The following PRKCE variants were observed in gnomAD, a reference collection of about 807,000 sequenced individuals.
PRKCE encodes protein kinase C epsilon.
In PRKCE, 16 loss-of-function variants were observed where a neutral mutation model predicts 85.4. That is an observed-to-expected ratio of 0.19 (90% CI 0.13 to 0.28). The LOEUF is 0.28. PRKCE is among the 10% of genes least tolerant of loss of function. The pLI, the probability that PRKCE is intolerant of heterozygous loss-of-function variation, is 1.00. For synonymous variants in PRKCE, 388 were observed against 371.5 expected, an observed-to-expected ratio of 1.04 and a Z score of -0.51; for missense variants, 573 against 975.2, an observed-to-expected ratio of 0.59 and a Z score of 5.49.
chr2:46,070,867 A>G (rs1668029335), intron 10 of PRKCE, among the ~76,000 whole-genome samples: 1 of 152,158 alleles, frequency 6.6e-6, no homozygotes, highest in Admixed American at 6.5e-5. Context: ...TGCTTTCATA[A>G]TTCTTGCATC....
intron 10 of PRKCE, among the ~76,000 whole-genome samples, chr2:46,017,152 A>G (rs1481725010): frequency 1.3e-5 from 2 of 151,666 alleles, no homozygotes; most frequent in African/African-American, 4.8e-5. Flanking sequence ...ACCCCTCTCC[A>G]TCTCCATGCC....
intron 8 of PRKCE, among the ~76,000 whole-genome samples, chr2:46,005,549 A>G (rs767615717): frequency 6.6e-6 from 1 of 152,044 alleles, no homozygotes; most frequent in Non-Finnish European, 1.5e-5. Flanking sequence ...GAGTGTGGAA[A>G]AGTTCTGTCC....
intron 1 of PRKCE, among the ~76,000 whole-genome samples, chr2:45,702,489 G>A (rs483404): frequency 0.26 from 39,718 of 152,006 alleles, 5,806 homozygotes; most frequent in Middle Eastern, 0.33. Context: ...CGCTCGGTCA[G>A]CATGGTCAGT....
At chr2:46,120,398 C>A (rs576025128) in intron 11 of PRKCE, among the ~76,000 whole-genome samples, 66 of 152,206 alleles carry the variant, frequency 4.3e-4, no homozygotes, top group Non-Finnish European at 7.2e-4. Context: ...TTCTGCAATG[C>A]ACAGGACGGT....
intron 2 of PRKCE, among the ~76,000 whole-genome samples, chr2:45,941,065 T>TAAACAAAAAAA (rs1699840732): frequency 1.5e-5 from 1 of 67,162 alleles, no homozygotes; most frequent in African/African-American, 6.0e-5. Context: ...GACTTCATCC[T>TAAACAAAAAAA]AAAAAAAAAA....
chr2:45,691,459 A>G (rs1041765441), intron 1 of PRKCE, among the ~76,000 whole-genome samples: 1 of 152,212 alleles, frequency 6.6e-6, no homozygotes, highest in Non-Finnish European at 1.5e-5. Flanking sequence ...AATGCCTTCA[A>G]TATATTGGTT....
intron 10 of PRKCE, among the ~76,000 whole-genome samples, chr2:46,019,278 T>C (rs997713376): frequency 6.6e-6 from 1 of 152,208 alleles, no homozygotes; most frequent in Non-Finnish European, 1.5e-5. Flanking sequence ...TTCGGTTTCT[T>C]GCCAAATCCC....
chr2:45,730,157 A>G (rs554242931), intron 1 of PRKCE, among the ~76,000 whole-genome samples: 218 of 152,240 alleles, frequency 1.4e-3, no homozygotes, highest in African/African-American at 4.7e-3. Context: ...ACAGAGCACA[A>G]CACTGGAAAA....
intron 1 of PRKCE, among the ~76,000 whole-genome samples, chr2:45,660,887 T>C (rs1187109015): frequency 6.6e-6 from 1 of 152,134 alleles, no homozygotes; most frequent in Non-Finnish European, 1.5e-5. Context: ...GACAGGAACA[T>C]ACAATTCATC....
intron 1 of PRKCE, among the ~76,000 whole-genome samples, chr2:45,694,677 C>A (rs1022552981): frequency 6.6e-6 from 1 of 152,040 alleles, no homozygotes; most frequent in Non-Finnish European, 1.5e-5. Context: ...AGTGAGACTT[C>A]GAATGGTGGG....
intron 1 of PRKCE, among the ~76,000 whole-genome samples, chr2:45,720,300 C>T (rs1484361993): frequency 2.6e-5 from 4 of 152,142 alleles, no homozygotes; most frequent in African/African-American, 9.7e-5. Context: ...ATCATTTCCA[C>T]CTATCGGTTG....
intron 13 of PRKCE, among the ~76,000 whole-genome samples, 170 bp downstream of exon 13, chr2:46,151,399 G>A (rs185119364): frequency 7.9e-5 from 12 of 152,270 alleles, no homozygotes; most frequent in Middle Eastern, 3.4e-3. Context: ...AGGATTAAGG[G>A]CAGTTGCCAC....
chr2:45,945,555 G>A lies in PRKCE; in HGVS notation c.413-30874G>A, dbSNP rs147409107. 4.8e-3 allele frequency among the ~76,000 whole-genome samples: 732 copies of A among 152,238 alleles called. 4 individuals carry two copies. The highest frequency in any genetic ancestry group is 0.015 in the African/African-American group (638 of 41,528). ...ATCAGATTTGGAGAGGACAAACGTC[G>A]AAACTATATCAGCCAGGCTACACCA... On this transcript the variant is annotated intron_variant, in intron 2 of 14. Coordinates refer to ENST00000306156, the MANE Select transcript of PRKCE (RefSeq NM_005400.3).
chr2:45,938,027 G>GTCACTCAGAGGGTCCCGACCCTC (rs1403770847), intron 2 of PRKCE, among the ~76,000 whole-genome samples: 9 of 152,212 alleles, frequency 5.9e-5, no homozygotes, highest in Admixed American at 2.0e-4. Flanking sequence ...CACCACTAAT[G>GTCACTCAGAGGGTCCCGACCCTC]TCACTCAGAG....
chr2:45,959,352 A>G (rs1701226399), intron 2 of PRKCE, among the ~76,000 whole-genome samples: 1 of 152,184 alleles, frequency 6.6e-6, no homozygotes, highest in Non-Finnish European at 1.5e-5. Flanking sequence ...ATATAATGTC[A>G]TGTCTTCATT....
chr2:46,077,341 T>C (rs1032284012), intron 10 of PRKCE, among the ~76,000 whole-genome samples: 1 of 152,170 alleles, frequency 6.6e-6, no homozygotes, highest in Admixed American at 6.5e-5. Context: ...ATGAAATATG[T>C]ACAGCTTTCT....
intron 1 of PRKCE, among the ~76,000 whole-genome samples, chr2:45,714,933 G>C (rs754331555): frequency 1.3e-5 from 2 of 152,210 alleles, no homozygotes; most frequent in African/African-American, 2.4e-5. Flanking sequence ...TGGGTTTTTG[G>C]ACAAGCAGAC....
intron 1 of PRKCE, among the ~76,000 whole-genome samples, chr2:45,797,093 T>C (rs73926097): frequency 0.057 from 8,736 of 152,272 alleles, 843 homozygotes; most frequent in African/African-American, 0.2. Flanking sequence ...GGGAGAATAA[T>C]GCTTGCTGTC....
intron 12 of PRKCE, among the ~76,000 whole-genome samples, chr2:46,150,017 C>A (rs181766344): frequency 2.6e-5 from 4 of 151,958 alleles, no homozygotes; most frequent in African/African-American, 2.4e-5. Context: ...CCACCATGCC[C>A]AGCTAATTTT....
Sources: gnomAD v4.1 joint callset for allele counts (sites outside exome capture counted in the v4.1 genomes callset) on GRCh38, gnomAD v4.1.1 for gene constraint, MANE v1.5 for transcripts, NCBI Gene and HGNC (gene_info 2026-07-23, HGNC 2026-07-21) for gene names.